GNG7: variants seen among roughly 807,000 people sequenced by gnomAD.
GNG7 encodes the protein G protein subunit gamma 7.
In GNG7, 1 loss-of-function variant was observed where a neutral mutation model predicts 4.0. The observed-to-expected ratio is 0.25, with a 90% CI of 0.09 to 1.18. GNG7 has a LOEUF of 1.18. GNG7 is among the 50% of genes most tolerant of loss of function. The pLI, the probability that GNG7 is intolerant of heterozygous loss-of-function variation, is 0.50. For missense variants in GNG7, 86 were observed against 91.9 expected (o/e 0.94, Z 0.26); for synonymous variants, 34 against 36.9 (o/e 0.92, Z 0.29).
At position 2,633,487 on chromosome 19, in the gene GNG7, G is replaced by A. The variant is rs4346310; in HGVS notation, c.-78+12737C>T. Among the ~76,000 whole-genome samples, 47,643 of 102,708 alleles carry A rather than the reference G, an allele frequency of 0.46. 8,887 individuals carry two copies. The highest frequency in any genetic ancestry group is 0.55 in the Middle Eastern group (119 of 218). The allele number at this position is 102,708 out of a possible 152,430, so 67.4% of individuals were successfully genotyped here. A position where few individuals can be genotyped will look rare whatever the true frequency, so the allele number is the denominator to read the frequency against. On this transcript the variant is annotated intron_variant, in intron 2 of 4. Coordinates refer to ENST00000382159, the MANE Select transcript of GNG7 (RefSeq NM_052847.3). This position sits in a 1 kb window ranked among gnomAD's most constrained non-coding sequence, Gnocchi z 5.9. ...TAGCAACAGGCGCGCGCGCGCGCGCGCACACACACACACACACACACACAC... is the reference window on the plus strand; with the variant it reads ...TAGCAACAGGCGCGCGCGCGCGCGCACACACACACACACACACACACACAC...
At chr19:2,553,954 T>TATATA (rs1555693294) in intron 3 of GNG7, among the ~76,000 whole-genome samples, 1 of 126,900 alleles carries the variant, frequency 7.9e-6, no homozygotes, top group African/African-American at 3.5e-5. Flanking sequence ...TTATATGTAA[T>TATATA]ATATATTACA....
intron 1 of GNG7, among the ~76,000 whole-genome samples, chr19:2,674,985 G>A (rs1009752302): frequency 3.3e-5 from 5 of 152,140 alleles, no homozygotes; most frequent in African/African-American, 1.2e-4. Flanking sequence ...TTCCTAAAAC[G>A]GAACTGTCAT....
In GNG7 at chr19:2,614,143, G is replaced by T. The variant is rs1160480310; in HGVS notation, c.-78+32081C>A. 6.6e-6 allele frequency among the ~76,000 whole-genome samples: 1 copy of T among 152,204 alleles called. No homozygotes were observed. Among genetic ancestry groups the T allele is most frequent in the African/African-American group, 2.4e-5 (1 of 41,452 alleles). ...CTCACCACCCGGTGAACGGCACTGGGAGCAGACTCAAGAGGCTCGAGAGGT... is the reference window on the plus strand; with the variant it reads ...CTCACCACCCGGTGAACGGCACTGGTAGCAGACTCAAGAGGCTCGAGAGGT... On this transcript the variant is annotated intron_variant, in intron 2 of 4. Coordinates refer to ENST00000382159, the MANE Select transcript of GNG7 (RefSeq NM_052847.3). The surrounding 1 kb of genome is among the most constrained non-coding windows in gnomAD (Gnocchi z 6.0).
At chr19:2,597,713 G>T (rs1380792183) in intron 2 of GNG7, among the ~76,000 whole-genome samples, 1 of 150,940 alleles carries the variant, frequency 6.6e-6, no homozygotes, top group African/African-American at 2.4e-5. Flanking sequence ...TGGCTAACAC[G>T]GTGAAACCCC....
intron 2 of GNG7, among the ~76,000 whole-genome samples, chr19:2,577,964 A>G (rs1307716492): frequency 6.6e-6 from 1 of 151,324 alleles, no homozygotes; most frequent in African/African-American, 2.4e-5. Flanking sequence ...CAGCCCCTCG[A>G]GTAGCTGGGA....
rs1295662289 is a variant in GNG7 at position 2,558,246 on chromosome 19, T to TTTTG, written c.-77-3062_-77-3059dup. Reference sequence around the variant, plus strand: ...GGGCACCGTGTTTTTTTGTTTTTGTTTTTGTTTTTTTTTTGAGATAGGGTC... The same window carrying TTTTG: ...GGGCACCGTGTTTTTTTGTTTTTGTTTTTGTTTGTTTTTTTTTTGAGATAGGGTC... On this transcript the variant is annotated intron_variant, in intron 2 of 4. Transcript: ENST00000382159. Among the ~76,000 whole-genome samples the TTTTG allele has an allele frequency of 1.5e-3, 66 of 44,966 alleles. 1 individual carries two copies. The highest frequency in any genetic ancestry group is 9.5e-3 in the African/African-American group (62 of 6,550). 29.5% of individuals were successfully genotyped at this position (44,966 alleles called of 152,430 possible).
chr19:2,545,957 A>C (rs1979111098), intron 3 of GNG7, among the ~76,000 whole-genome samples: 1 of 151,732 alleles, frequency 6.6e-6, no homozygotes, highest in South Asian at 2.1e-4. Context: ...TCTGCCTCAA[A>C]AACAAAACAA....
chr19:2,523,623 C>T (rs1251526223), intron 3 of GNG7, among the ~76,000 whole-genome samples: 1 of 152,120 alleles, frequency 6.6e-6, no homozygotes, highest in Non-Finnish European at 1.5e-5. Flanking sequence ...CAGAGAGCCT[C>T]ACACACTCAC....
chr19:2,538,941 T>G (rs1000119641), intron 3 of GNG7, among the ~76,000 whole-genome samples: 2 of 151,442 alleles, frequency 1.3e-5, no homozygotes, highest in Non-Finnish European at 2.9e-5. Flanking sequence ...GCTAATTTTT[T>G]TTTGTATTTT....
intron 3 of GNG7, among the ~76,000 whole-genome samples, chr19:2,551,589 G>GTATTTATAAATAGATAAA (rs1421883737): frequency 6.9e-6 from 1 of 145,754 alleles, no homozygotes; most frequent in African/African-American, 2.5e-5. Context: ...ATATAAATAT[G>GTATTTATAAATAGATAAA]CATTTATAAA....
At chr19:2,699,832 G>T (rs1013191033) in intron 1 of GNG7, among the ~76,000 whole-genome samples, 2 of 152,278 alleles carry the variant, frequency 1.3e-5, no homozygotes, top group Non-Finnish European at 2.9e-5. Context: ...AGACCCAGAC[G>T]CACCCCATGA....
rs569084738 is a variant in GNG7, at chr19:2,512,798, G to A, written c.*2224C>T. On this transcript the variant is annotated 3_prime_UTR_variant, in exon 5 of 5. Transcript: ENST00000382159. The surrounding 1 kb of genome is among the most constrained non-coding windows in gnomAD (Gnocchi z 4.7). ...TTGTTCCCAGTTACCAAGATGGCTT[G>A]TTGGAAAGGGTGGAGGCAGGCGGGC... 3 of 640,558 alleles carry A rather than the reference G, an allele frequency of 4.7e-6. No individual in the cohort carries two copies. Among genetic ancestry groups the A allele is most frequent in the African/African-American group, 3.9e-5 (2 of 50,694 alleles). 39.7% of individuals were successfully genotyped at this position (640,558 alleles called of 1,614,324 possible).
intron 2 of GNG7, among the ~76,000 whole-genome samples, chr19:2,564,909 G>T (rs959839475): frequency 6.6e-6 from 1 of 151,932 alleles, no homozygotes; most frequent in Non-Finnish European, 1.5e-5. Context: ...AAAAGAATCA[G>T]GCCAGATGCG....
intron 3 of GNG7, among the ~76,000 whole-genome samples, chr19:2,539,819 C>T (rs759174012): frequency 1.7e-4 from 23 of 133,730 alleles, no homozygotes; most frequent in Non-Finnish European, 3.3e-4. Context: ...TACACACCAT[C>T]GCAGGAACTC....
At chr19:2,697,588 G>A (rs1322514514) in intron 1 of GNG7, among the ~76,000 whole-genome samples, 2 of 152,236 alleles carry the variant, frequency 1.3e-5, no homozygotes, top group Non-Finnish European at 2.9e-5. Context: ...GACAAGTGAA[G>A]TCAAGAAATG....
chr19:2,587,176 G>A (rs2144797453), intron 2 of GNG7, among the ~76,000 whole-genome samples: 1 of 152,084 alleles, frequency 6.6e-6, no homozygotes, highest in African/African-American at 2.4e-5. Flanking sequence ...ACGGAGAGTT[G>A]CGGCGGCAAG....
chr19:2,690,148 G>T (rs561042477), intron 1 of GNG7, among the ~76,000 whole-genome samples: 2 of 151,990 alleles, frequency 1.3e-5, no homozygotes, highest in Non-Finnish European at 2.9e-5. Flanking sequence ...TTGGGAGGCC[G>T]AAGCGAAAGG....
At chr19:2,551,213 C>T (rs1979307978) in intron 3 of GNG7, among the ~76,000 whole-genome samples, 1 of 152,208 alleles carries the variant, frequency 6.6e-6, no homozygotes, top group South Asian at 2.1e-4. Context: ...GGCCGTTTGA[C>T]CTCCAGCAAA....
intron 1 of GNG7, among the ~76,000 whole-genome samples, chr19:2,686,902 C>A (rs1172149593): frequency 6.6e-6 from 1 of 151,910 alleles, no homozygotes; most frequent in Non-Finnish European, 1.5e-5. Flanking sequence ...CAGGCGCCCG[C>A]CACCACATCC....
Sources: allele counts gnomAD v4.1 joint callset (sites outside exome capture counted in the v4.1 genomes callset), GRCh38; gene constraint gnomAD v4.1.1; non-coding constraint Gnocchi (gnomAD v3.1); transcripts MANE v1.5; gene names NCBI Gene and HGNC (gene_info 2026-07-23, HGNC 2026-07-21).